The following ZNF84 variants were observed in gnomAD, a reference collection of about 807,000 sequenced individuals.
ZNF84 encodes the protein zinc finger protein 84.
A neutral mutation model predicts 14.8 loss-of-function variants in ZNF84; 12 were observed. That is an observed-to-expected ratio of 0.81 (90% CI 0.52 to 1.31). ZNF84 has a LOEUF of 1.31. Among genes scored for constraint, ZNF84 ranks in the 50% most tolerant of loss-of-function variants. The probability of loss-of-function intolerance (pLI) is 0.00; values close to 1 mark genes in which losing one functional copy is unlikely to be tolerated. For missense variants in ZNF84, 859 were observed against 878.6 expected (o/e 0.98, Z 0.28); for synonymous variants, 347 against 291.1 (o/e 1.19, Z -1.96).
In ZNF84 at chr12:133,059,251, A is replaced by G. The variant is rs1954216524; in HGVS notation, c.*319A>G. The G allele has an allele frequency of 5.1e-6, 2 of 395,746 alleles. No homozygotes were observed. Among genetic ancestry groups the G allele is most frequent in the Non-Finnish European group, 8.9e-6 (2 of 223,568 alleles). 24.5% of individuals were successfully genotyped at this position (395,746 alleles called of 1,614,324 possible). ...GCTATTAGAAATATTCCCACTGGGG[A>G]TGAGGGAAAACCCCATGAATGCGGG... is the stretch of plus-strand genomic sequence containing the variant. On this transcript the variant is annotated 3_prime_UTR_variant, in exon 5 of 5. Coordinates refer to ENST00000539354, the MANE Select transcript of ZNF84 (RefSeq NM_001289971.2).
chr12:133,048,093 T>C lies in ZNF84; in HGVS notation c.142+12T>C, dbSNP rs1424488992. 3 of 1,612,278 alleles carry C rather than the reference T, an allele frequency of 1.9e-6. No individual in the cohort carries two copies. The highest frequency in any genetic ancestry group is 1.7e-5 in the Admixed American group (1 of 59,970). ...CCTAGTGTCACTGGGTAATAAAAGC[T>C]TTCTTGAGGACCTTGGACTATGCCC... On this transcript the variant is annotated intron_variant, in intron 3 of 4. Coordinates refer to ENST00000539354, the MANE Select transcript of ZNF84 (RefSeq NM_001289971.2).
chr12:133,039,487 A>G (rs1953848345), intron 1 of ZNF84, among the ~76,000 whole-genome samples: 1 of 152,236 alleles, frequency 6.6e-6, no homozygotes. Flanking sequence ...TACTTACTAA[A>G]TGTGCAATCA....
chr12:133,062,146 GA>G lies in ZNF84; in HGVS notation c.*3216del, dbSNP rs1954275365. 6.6e-6 allele frequency: 1 copy of G among 152,282 alleles called. No homozygotes were observed. Among genetic ancestry groups the G allele is most frequent in the Admixed American group, 6.5e-5 (1 of 15,294 alleles). 9.4% of individuals were successfully genotyped at this position (152,282 alleles called of 1,614,324 possible). A position where few individuals can be genotyped will look rare whatever the true frequency, so the allele number is the denominator to read the frequency against. ...CTGCCTGGATTTTCCCACTGACCTG[GA>G]ATTGTGCACAGTTCTACAAAGGACA... On this transcript the variant is annotated 3_prime_UTR_variant, in exon 5 of 5. Transcript: ENST00000539354.
chr12:133,039,616 C>T (rs1379085481), intron 1 of ZNF84, among the ~76,000 whole-genome samples: 3 of 152,194 alleles, frequency 2.0e-5, no homozygotes, highest in Non-Finnish European at 4.4e-5. Flanking sequence ...TATTGTCTCA[C>T]ATACAGAAAG....
At chr12:133,047,827 C>A in intron 2 of ZNF84, 128 bp from the exon 3 acceptor site, 2 of 969,998 alleles carry the variant, frequency 2.1e-6, no homozygotes, top group Non-Finnish European at 3.1e-6. Flanking sequence ...ACAAAATATG[C>A]AAAGGTAGAG....
chr12:133,050,700 T>G, intron 4 of ZNF84: 1 of 395,856 alleles, frequency 2.5e-6, no homozygotes, highest in Non-Finnish European at 4.4e-6. Context: ...GGAACTTGAT[T>G]TTCACTGCAT....
rs1442463182 is a variant in ZNF84, at chr12:133,061,840, C to T, written c.*2908C>T. On this transcript the variant is annotated 3_prime_UTR_variant, in exon 5 of 5. Transcript: ENST00000539354. ...AAAAACTGATGCAGAGGTTCAAATA[C>T]GTTGTGCAGTAATCACTAGAACTCA... 2 of 152,256 alleles carry T rather than the reference C, an allele frequency of 1.3e-5. No homozygotes were observed. The highest frequency in any genetic ancestry group is 2.9e-5 in the Non-Finnish European group (2 of 68,034). The allele number at this position is 152,256 out of a possible 1,614,324, so 9.4% of individuals were successfully genotyped here. A position where few individuals can be genotyped will look rare whatever the true frequency, so the allele number is the denominator to read the frequency against.
chr12:133,058,912 C>G lies in ZNF84; in HGVS notation c.2197C>G (p.His733Asp). Reference protein sequence around the residue: ...KSQLINHQRTHTVKKS With the variant: ...KSQLINHQRTDTVKKS Reference sequence around the variant, plus strand: ...ACAGCTCATCAATCATCAGAGAACTCATACAGTAAAAAAATCCTAGGAATA... The same window carrying G: ...ACAGCTCATCAATCATCAGAGAACTGATACAGTAAAAAAATCCTAGGAATA... Residue 733 changes from histidine (H) to aspartate (D), a missense_variant, in exon 5 of 5, where the codon CAT becomes GAT. Transcript: ENST00000539354. 4.4e-6 allele frequency: 7 copies of G among 1,602,424 alleles called. No individual in the cohort carries two copies. Among genetic ancestry groups the G allele is most frequent in the Non-Finnish European group, 6.0e-6 (7 of 1,175,292 alleles).
In ZNF84 at chr12:133,062,993, C is replaced by T; in HGVS notation, c.*4061C>T. The T allele has an allele frequency of 1.5e-6, 1 of 652,636 alleles. No homozygotes were observed. Among genetic ancestry groups the T allele is most frequent in the Non-Finnish European group, 2.8e-6 (1 of 361,934 alleles). 40.4% of individuals were successfully genotyped at this position (652,636 alleles called of 1,614,324 possible). On this transcript the variant is annotated 3_prime_UTR_variant, in exon 5 of 5. Transcript: ENST00000539354. ...ATAATCATTGCATGTTTTATCTTTC[C>T]CACTAGAAAGCTTCTAGAAAGCTAG...
In ZNF84 at chr12:133,062,033, G is replaced by A. The variant is rs1192770610; in HGVS notation, c.*3101G>A. 4.6e-5 allele frequency: 7 copies of A among 152,188 alleles called. No homozygotes were observed. The highest frequency in any genetic ancestry group is 1.0e-4 in the Non-Finnish European group (7 of 68,030). The allele number at this position is 152,188 out of a possible 1,614,324, so 9.4% of individuals were successfully genotyped here. On this transcript the variant is annotated 3_prime_UTR_variant, in exon 5 of 5. Coordinates refer to ENST00000539354, the MANE Select transcript of ZNF84 (RefSeq NM_001289971.2). ...TTTTAAAGTTAGACTGGATTTATTT[G>A]TGATTTTATGGAGCACAATAAGGTA...
At position 133,057,693 on chromosome 12, in the gene ZNF84, G is replaced by A; in HGVS notation, c.978G>A (p.Arg326=). The A allele has an allele frequency of 6.2e-7, 1 of 1,613,004 alleles. No homozygotes were observed. The change falls in exon 5 of 5, where the codon AGG becomes AGA. Residue 326 remains arginine, a synonymous_variant. Transcript: ENST00000539354. ...EKPYGCNECG[R]AFSEKSNLIN... ...CCTATGGATGCAATGAATGTGGGAGGGCCTTTAGTGAAAAGTCCAATCTCA... is the reference window on the plus strand; with the variant it reads ...CCTATGGATGCAATGAATGTGGGAGAGCCTTTAGTGAAAAGTCCAATCTCA...
At position 133,058,056 on chromosome 12, in the gene ZNF84, A is replaced by C. The variant is rs1954193307; in HGVS notation, c.1341A>C (p.Ile447=). ...CCTTCTCCCAGAAGTCACATCTCAT[A>C]TCACATCAGATGACACACACAGGAG... ...GKAFSQKSHL[I]SHQMTHTGEK... The change falls in exon 5 of 5, where the codon ATA becomes ATC. Residue 447 remains isoleucine, a synonymous_variant. Coordinates refer to ENST00000539354, the MANE Select transcript of ZNF84 (RefSeq NM_001289971.2). 3 of 1,613,646 alleles carry C rather than the reference A, an allele frequency of 1.9e-6. No homozygotes were observed. The highest frequency in any genetic ancestry group is 2.5e-6 in the Non-Finnish European group (3 of 1,179,970).
intron 2 of ZNF84, among the ~76,000 whole-genome samples, chr12:133,046,847 A>ATT (rs1222987168): frequency 7.0e-6 from 1 of 143,486 alleles, no homozygotes; most frequent in Non-Finnish European, 1.5e-5. Context: ...TATATTTTAT[A>ATT]TTATATATAT....
Position 133,062,754 on chromosome 12 carries a change from G to A in ZNF84, c.*3822G>A, listed in dbSNP as rs1954285498. On this transcript the variant is annotated 3_prime_UTR_variant, in exon 5 of 5. Coordinates refer to ENST00000539354, the MANE Select transcript of ZNF84 (RefSeq NM_001289971.2). ...GTAACATTCTCCTTATGGTATGTAA[G>A]GACTTTTGTATAAACCAATGCCTAT... is the stretch of plus-strand genomic sequence containing the variant. 7.3e-6 allele frequency: 2 copies of A among 274,298 alleles called. No individual in the cohort carries two copies. The highest frequency in any genetic ancestry group is 1.4e-5 in the Non-Finnish European group (2 of 144,390). 17.0% of individuals were successfully genotyped at this position (274,298 alleles called of 1,614,324 possible). A position where few individuals can be genotyped will look rare whatever the true frequency, so the allele number is the denominator to read the frequency against.
At chr12:133,039,568 A>G (rs1953849750) in intron 1 of ZNF84, among the ~76,000 whole-genome samples, 1 of 152,214 alleles carries the variant, frequency 6.6e-6, no homozygotes, top group African/African-American at 2.4e-5. Flanking sequence ...TAAACGCCTT[A>G]TAGGGTTGTG....
intron 2 of ZNF84, among the ~76,000 whole-genome samples, chr12:133,046,838 A>G (rs1435841232): frequency 6.9e-6 from 1 of 144,842 alleles, no homozygotes; most frequent in East Asian, 2.0e-4. Flanking sequence ...ATATTTATAT[A>G]TATTTTATAT....
In ZNF84 at chr12:133,057,232, A is replaced by G; in HGVS notation, c.517A>G (p.Thr173Ala). Residue 173 changes from threonine (T) to alanine (A), a missense_variant, in exon 5 of 5, where the codon ACT becomes GCT. Coordinates refer to ENST00000539354, the MANE Select transcript of ZNF84 (RefSeq NM_001289971.2). ...TTTTCTCCATTCCAAGCCTGAGGATACTGATACCTGGTTAAAATACTATGA... is the reference window on the plus strand; with the variant it reads ...TTTTCTCCATTCCAAGCCTGAGGATGCTGATACCTGGTTAAAATACTATGA... ...NFFLHSKPEDTDTWLKYYDCD... is the reference protein window; with the variant it reads ...NFFLHSKPEDADTWLKYYDCD... 2 of 1,613,978 alleles carry G rather than the reference A, an allele frequency of 1.2e-6. No individual in the cohort carries two copies. Among genetic ancestry groups the G allele is most frequent in the East Asian group, 4.5e-5 (2 of 44,872 alleles).
rs1159494121 is a variant in ZNF84, at chr12:133,058,687, A to T, written c.1972A>T (p.Ser658Cys). The change falls in exon 5 of 5, where the codon AGT (serine) becomes TGT (cysteine). Residue 658 changes from serine (S) to cysteine (C), a missense_variant. Ser to Cys is a moderately radical substitution (Grantham distance 112, BLOSUM62 -1). Coordinates refer to ENST00000539354, the MANE Select transcript of ZNF84 (RefSeq NM_001289971.2). The part of the protein sequence containing the change: ...IHTGEKPFEC[S>C]ECGKAFSRKS... ...TACAGGAGAGAAGCCTTTTGAATGC[A>T]GTGAGTGTGGCAAAGCTTTCTCTCG... The T allele has an allele frequency of 1.9e-6, 3 of 1,614,012 alleles. No homozygotes were observed. Among genetic ancestry groups the T allele is most frequent in the Non-Finnish European group, 1.7e-6 (2 of 1,180,006 alleles).
intron 2 of ZNF84, 45 bp downstream of exon 2, chr12:133,041,527 G>A: frequency 6.3e-7 from 1 of 1,594,466 alleles, no homozygotes; most frequent in Non-Finnish European, 8.6e-7. Flanking sequence ...GGAATTAGAA[G>A]AAATGTATAA....
Sources: gnomAD v4.1 joint callset for allele counts (sites outside exome capture counted in the v4.1 genomes callset) on GRCh38, gnomAD v4.1.1 for gene constraint, MANE v1.5 for transcripts, NCBI Gene and HGNC (gene_info 2026-07-23, HGNC 2026-07-21) for gene names.